The following ATRNL1 variants were observed in gnomAD, a reference collection of about 807,000 sequenced individuals.
ATRNL1 encodes the protein attractin-like protein 1.
A neutral mutation model predicts 182.7 loss-of-function variants in ATRNL1; 95 were observed. That is an observed-to-expected ratio of 0.52 (90% CI 0.44 to 0.62). ATRNL1 has a LOEUF of 0.62. ATRNL1 is among the 20% of genes least tolerant of loss of function. ATRNL1 has a pLI of 0.00. For missense variants in ATRNL1, 1,471 were observed against 1,679.5 expected (o/e 0.88, Z 2.17); for synonymous variants, 576 against 568.3 (o/e 1.01, Z -0.19).
intron 13 of ATRNL1, among the ~76,000 whole-genome samples, chr10:115,273,613 G>C (rs984810257): frequency 6.6e-6 from 1 of 152,200 alleles, no homozygotes; most frequent in East Asian, 1.9e-4. Context: ...TTTCACTACT[G>C]TACTTCAGGG....
At chr10:115,779,795 G>A (rs894345915) in intron 27 of ATRNL1, among the ~76,000 whole-genome samples, 2 of 151,950 alleles carry the variant, frequency 1.3e-5, no homozygotes, top group Non-Finnish European at 2.9e-5. Context: ...CTTCCTCTAG[G>A]GTTGGTACAA....
chr10:115,830,986 G>A (rs545237458), intron 27 of ATRNL1, among the ~76,000 whole-genome samples: 55 of 152,206 alleles, frequency 3.6e-4, no homozygotes, highest in African/African-American at 1.3e-3. Flanking sequence ...GTGAGCACCA[G>A]TCCTTAGCCA....
At chr10:115,543,098 G>T (rs1429000664) in intron 25 of ATRNL1, among the ~76,000 whole-genome samples, 1 of 152,100 alleles carries the variant, frequency 6.6e-6, no homozygotes, top group Non-Finnish European at 1.5e-5. Flanking sequence ...ACTTCATGTA[G>T]ATCTCTTCTT....
intron 9 of ATRNL1, among the ~76,000 whole-genome samples, chr10:115,240,619 T>A (rs1850378581): frequency 6.6e-6 from 1 of 152,146 alleles, no homozygotes; most frequent in African/African-American, 2.4e-5. Context: ...CTGCTACATA[T>A]ACTATACTAA....
chr10:115,324,190 T>C (rs545505519), intron 18 of ATRNL1, among the ~76,000 whole-genome samples: 94 of 152,308 alleles, frequency 6.2e-4, no homozygotes, highest in African/African-American at 2.2e-3. Context: ...TTTAGAATTT[T>C]TTTTTCTCTT....
At chr10:115,656,383 C>G (rs1860331892) in intron 26 of ATRNL1, among the ~76,000 whole-genome samples, 1 of 152,192 alleles carries the variant, frequency 6.6e-6, no homozygotes, top group African/African-American at 2.4e-5. Flanking sequence ...TTTGCACATT[C>G]TCCCCATATC....
At chr10:115,653,424 C>G (rs188440453) in intron 26 of ATRNL1, among the ~76,000 whole-genome samples, 1 of 152,250 alleles carries the variant, frequency 6.6e-6, no homozygotes, top group East Asian at 1.9e-4. Context: ...TTTCTCTTCA[C>G]CCTAACTGGC....
At chr10:115,187,174 AT>A (rs34825200) in intron 8 of ATRNL1, among the ~76,000 whole-genome samples, 943 of 141,296 alleles carry the variant, frequency 6.7e-3, no homozygotes, top group Middle Eastern at 0.018. Context: ...TCTGGGAATA[AT>A]TTTTTTTTTT....
At chr10:115,385,142 A>G (rs1858262758) in intron 19 of ATRNL1, among the ~76,000 whole-genome samples, 1 of 152,102 alleles carries the variant, frequency 6.6e-6, no homozygotes, top group East Asian at 1.9e-4. Context: ...TTTTCAAAGT[A>G]ATTGTATCAT....
At chr10:115,354,158 A>AT (rs1340830029) in intron 19 of ATRNL1, among the ~76,000 whole-genome samples, 1 of 151,238 alleles carries the variant, frequency 6.6e-6, no homozygotes, top group Non-Finnish European at 1.5e-5. Flanking sequence ...CTCATCCACT[A>AT]TCATTAGTGA....
chr10:115,852,156 T>C (rs782053930), intron 28 of ATRNL1, among the ~76,000 whole-genome samples: 23 of 152,178 alleles, frequency 1.5e-4, no homozygotes, highest in Non-Finnish European at 1.5e-5. Context: ...AAATATCCAC[T>C]GCTGAAAAGA....
intron 5 of ATRNL1, among the ~76,000 whole-genome samples, chr10:115,154,790 C>T (rs1846423135): frequency 1.3e-5 from 2 of 152,050 alleles, no homozygotes; most frequent in African/African-American, 4.8e-5. Flanking sequence ...GTGTTGAAGT[C>T]CCCAACTGTT....
intron 22 of ATRNL1, 101 bp downstream of exon 22, chr10:115,462,136 G>T: frequency 5.9e-6 from 4 of 682,052 alleles, no homozygotes; most frequent in South Asian, 2.6e-5. Flanking sequence ...CACATTGTAG[G>T]GCCTTTGTAG....
intron 8 of ATRNL1, among the ~76,000 whole-genome samples, chr10:115,203,351 ACTT>A (rs1208386523): frequency 1.3e-5 from 2 of 152,078 alleles, no homozygotes; most frequent in African/African-American, 2.4e-5. Flanking sequence ...ATCTACAATG[ACTT>A]CTTAGAGAAA....
intron 8 of ATRNL1, among the ~76,000 whole-genome samples, chr10:115,209,636 T>C (rs575764567): frequency 1.3e-5 from 2 of 151,896 alleles, no homozygotes; most frequent in Non-Finnish European, 2.9e-5. Flanking sequence ...GGTTTACTTT[T>C]TTATAAATTG....
intron 26 of ATRNL1, among the ~76,000 whole-genome samples, chr10:115,619,712 G>T (rs1465654108): frequency 6.6e-6 from 1 of 152,118 alleles, no homozygotes; most frequent in East Asian, 1.9e-4. Flanking sequence ...AATATCCATT[G>T]CCTAATTTAA....
At chr10:115,893,121 C>T (rs782077475) in intron 28 of ATRNL1, among the ~76,000 whole-genome samples, 16 of 152,090 alleles carry the variant, frequency 1.1e-4, no homozygotes, top group Admixed American at 6.6e-5. Flanking sequence ...TCTCAGGAAC[C>T]ACTGCTGACA....
intron 13 of ATRNL1, among the ~76,000 whole-genome samples, chr10:115,277,966 A>T (rs1176260963): frequency 2.6e-5 from 4 of 152,178 alleles, no homozygotes. Context: ...CAGAACCATT[A>T]TTTAGTGTCT....
intron 28 of ATRNL1, among the ~76,000 whole-genome samples, chr10:115,924,199 G>T (rs975732865): frequency 1.3e-5 from 2 of 152,154 alleles, no homozygotes; most frequent in Admixed American, 1.3e-4. Flanking sequence ...TCTGTAGGTT[G>T]ACTGTTCACC....
Sources: gnomAD v4.1 joint callset for allele counts (sites outside exome capture counted in the v4.1 genomes callset) on GRCh38, gnomAD v4.1.1 for gene constraint, MANE v1.5 for transcripts, NCBI Gene and HGNC (gene_info 2026-07-23, HGNC 2026-07-21) for gene names.